MTUS1: variants seen among roughly 807,000 people sequenced by gnomAD.
MTUS1 encodes the protein microtubule-associated tumor suppressor 1.
Under a neutral mutation model 120.8 loss-of-function variants are expected in MTUS1, and 109 were observed. The ratio of observed to expected loss-of-function variants is 0.90; its 90% CI spans 0.77 to 1.06. MTUS1 has a LOEUF of 1.06. Among genes scored for constraint, MTUS1 ranks in the 50% least tolerant of loss-of-function variants. MTUS1 has a pLI of 0.00. For missense variants in MTUS1, 2,210 were observed against 1,486.3 expected, an observed-to-expected ratio of 1.49 and a Z score of -8.01; for synonymous variants, 737 against 550.5, an observed-to-expected ratio of 1.34 and a Z score of -4.74.
At chr8:17,752,217 AAG>A (rs869297894) in intron 2 of MTUS1, among the ~76,000 whole-genome samples, 110 of 65,882 alleles carry the variant, frequency 1.7e-3, no homozygotes, top group Non-Finnish European at 5.1e-3. Context: ...AATGTCATTA[AAG>A]AAAAAGAAAC....
intron 6 of MTUS1, among the ~76,000 whole-genome samples, chr8:17,706,809 G>A (rs374405131): frequency 6.6e-6 from 1 of 152,182 alleles, no homozygotes; most frequent in Admixed American, 6.5e-5. Context: ...TACTGTATCT[G>A]CTAAATGTAA....
intron 8 of MTUS1, among the ~76,000 whole-genome samples, chr8:17,667,993 G>T (rs964088537): frequency 6.6e-6 from 1 of 152,168 alleles, no homozygotes; most frequent in African/African-American, 2.4e-5. Context: ...GTGAATTAAG[G>T]ATTAAAATCT....
intron 4 of MTUS1, among the ~76,000 whole-genome samples, chr8:17,717,168 T>C (rs571566166): frequency 1.3e-5 from 2 of 152,284 alleles, no homozygotes; most frequent in Admixed American, 6.5e-5. Flanking sequence ...CTGTTCATTG[T>C]TCTCGTGCCC....
In MTUS1 at chr8:17,755,655, T is replaced by C; in HGVS notation, c.153A>G (p.Pro51=). ...ASSVNWNSAN[P]DDMVVDYETD... Reference sequence around the variant, plus strand: ...TTTCATAATCAACCACCATGTCATCTGGGTTGGCAGAATTCCAGTTCACAC... The same window carrying C: ...TTTCATAATCAACCACCATGTCATCCGGGTTGGCAGAATTCCAGTTCACAC... The change falls in exon 2 of 15, where the codon CCA becomes CCG. Residue 51 remains proline, a synonymous_variant. Transcript: ENST00000693296. The C allele has an allele frequency of 6.2e-7, 1 of 1,614,230 alleles. No individual in the cohort carries two copies. The highest frequency in any genetic ancestry group is 8.5e-7 in the Non-Finnish European group (1 of 1,180,022).
At chr8:17,712,606 T>C (rs183462750) in intron 6 of MTUS1, among the ~76,000 whole-genome samples, 126 of 152,292 alleles carry the variant, frequency 8.3e-4, no homozygotes, top group South Asian at 1.9e-3. Context: ...CCCAAAGTGC[T>C]GGGATTACAG....
Position 17,723,829 on chromosome 8 carries a change from C to T in MTUS1, c.2292G>A (p.Lys764=). ...ACTGTGCAGTTTTCAAGGATGTAGG[C>T]TTTCCTTGGGGTTTAAAAAAAACAA... ...QRIRRVSSSG[K]PTSLKTAQSS... Residue 764 remains lysine (K), a synonymous_variant, in exon 4 of 15, where the codon AAG becomes AAA. Coordinates refer to ENST00000693296, the MANE Select transcript of MTUS1 (RefSeq NM_001363059.2). 6.4e-7 allele frequency: 1 copy of T among 1,566,856 alleles called. No homozygotes were observed. Among genetic ancestry groups the T allele is most frequent in the Non-Finnish European group, 8.6e-7 (1 of 1,157,574 alleles).
At chr8:17,675,081 C>A in intron 8 of MTUS1, 105 bp downstream of exon 8, 3 of 1,567,702 alleles carry the variant, frequency 1.9e-6, no homozygotes, top group East Asian at 4.6e-5. Flanking sequence ...GGAGTGCCAA[C>A]AGCTCCCAGC....
chr8:17,797,728 G>A (rs1253117586), intron 1 of MTUS1, among the ~76,000 whole-genome samples: 1 of 152,104 alleles, frequency 6.6e-6, no homozygotes, highest in Admixed American at 6.5e-5. Flanking sequence ...CCCTAAGCAC[G>A]CAGATCCTGA....
chr8:17,775,976 T>A (rs1297738416), intron 1 of MTUS1, among the ~76,000 whole-genome samples: 1 of 152,182 alleles, frequency 6.6e-6, no homozygotes, highest in Non-Finnish European at 1.5e-5. Flanking sequence ...AGGCAAAGAA[T>A]GACACAACTA....
intron 7 of MTUS1, among the ~76,000 whole-genome samples, chr8:17,680,832 A>G (rs17125108): frequency 0.57 from 86,470 of 151,948 alleles, 25,467 homozygotes; most frequent in Middle Eastern, 0.7. Flanking sequence ...GAGCAGACAC[A>G]TGAAGGAAGG....
At chr8:17,685,320 T>G (rs529056197) in intron 6 of MTUS1, among the ~76,000 whole-genome samples, 5 of 152,300 alleles carry the variant, frequency 3.3e-5, no homozygotes, top group African/African-American at 1.2e-4. Context: ...TACTCTGTTT[T>G]AAATAAAAAA....
chr8:17,713,516 G>C (rs975634579), intron 5 of MTUS1, among the ~76,000 whole-genome samples: 19 of 152,170 alleles, frequency 1.2e-4, no homozygotes, highest in African/African-American at 4.6e-4. Context: ...AAAAGCCGCA[G>C]TATTTTTTCA....
intron 1 of MTUS1, among the ~76,000 whole-genome samples, chr8:17,765,618 CAAAAAA>C: frequency 1.1e-5 from 1 of 94,484 alleles, no homozygotes; most frequent in South Asian, 4.2e-4. Flanking sequence ...GACTCTGTCT[CAAAAAA>C]AAAAAAAAAA....
At chr8:17,759,750 T>C (rs7010825) in intron 1 of MTUS1, among the ~76,000 whole-genome samples, 1,619 of 151,288 alleles carry the variant, frequency 0.011, 26 homozygotes, top group African/African-American at 0.037. Context: ...GTCATTATAC[T>C]ATAAAAACAT....
rs374352732 is a variant in MTUS1 at position 17,686,876 on chromosome 8, G to A, written c.2624-2334C>T. Among the ~76,000 whole-genome samples, 15 of 152,190 alleles carry A rather than the reference G, an allele frequency of 9.9e-5. No homozygotes were observed. The South Asian group carries it at 1.7e-3, about 17-fold the overall frequency. ...AGCATTTTTTATACTTTTTAACCAT[G>A]GGGTAAATATATTACCTATTCAAAA... On this transcript the variant is annotated intron_variant, in intron 6 of 14. Transcript: ENST00000693296.
rs979050115 is a variant in MTUS1, at chr8:17,722,099, G to T, written c.2449+1573C>A. 1.1e-5 allele frequency: 15 copies of T among 1,314,252 alleles called. No individual in the cohort carries two copies. In the African/African-American group the frequency reaches 2.1e-4, roughly 18 times the overall value. 81.4% of individuals were successfully genotyped at this position (1,314,252 alleles called of 1,614,324 possible). A position where few individuals can be genotyped will look rare whatever the true frequency, so the allele number is the denominator to read the frequency against. On this transcript the variant is annotated intron_variant, in intron 4 of 14. Transcript: ENST00000693296. ...ACTCACTGATTTGAATGCTTAATCC[G>T]CAACAGGAACACATCGCCACTAGAC...
In MTUS1 at chr8:17,653,178, C is replaced by G. The variant is rs375331074; in HGVS notation, c.3384+8G>C. On this transcript the variant is annotated splice_region_variant and intron_variant, in intron 12 of 14. Coordinates refer to ENST00000693296, the MANE Select transcript of MTUS1 (RefSeq NM_001363059.2). Reference sequence around the variant, plus strand: ...TTCCATACTGATAAAGGAGCACACACAACTTACCAAATTTGCTTTTTCTCT... The same window carrying G: ...TTCCATACTGATAAAGGAGCACACAGAACTTACCAAATTTGCTTTTTCTCT... 175 of 1,505,154 alleles carry G rather than the reference C, an allele frequency of 1.2e-4. 2 individuals are homozygous for G. The highest frequency in any genetic ancestry group is 1.0e-3 in the Middle Eastern group (6 of 5,856). The allele number at this position is 1,505,154 out of a possible 1,614,324, so 93.2% of individuals were successfully genotyped here. A position where few individuals can be genotyped will look rare whatever the true frequency, so the allele number is the denominator to read the frequency against.
chr8:17,654,894 GC>G (rs1807869149), intron 9 of MTUS1: 1 of 551,436 alleles, frequency 1.8e-6, no homozygotes, highest in African/African-American at 1.9e-5. Context: ...TTCAAGTCCA[GC>G]CTGGGCAATG....
At chr8:17,661,341 A>G (rs1314239440) in intron 8 of MTUS1, among the ~76,000 whole-genome samples, 2 of 152,170 alleles carry the variant, frequency 1.3e-5, no homozygotes, top group African/African-American at 4.8e-5. Flanking sequence ...TTCCAAAGTT[A>G]AAAAATAAAA....
Sources: gnomAD v4.1 joint callset for allele counts (sites outside exome capture counted in the v4.1 genomes callset) on GRCh38, gnomAD v4.1.1 for gene constraint, MANE v1.5 for transcripts, NCBI Gene and HGNC (gene_info 2026-07-23, HGNC 2026-07-21) for gene names.